The following DCN variants were observed in gnomAD, a reference collection of about 807,000 sequenced individuals.
DCN encodes decorin, also known as bone proteoglycan II.
A neutral mutation model predicts 36.5 loss-of-function variants in DCN; 17 were observed. The observed-to-expected ratio is 0.47, with a 90% CI of 0.32 to 0.70. The LOEUF (loss-of-function observed/expected upper bound fraction) is 0.70. Ranked by LOEUF, DCN falls within the 30% of genes least tolerant of loss-of-function variation. The pLI is 0.04. For missense variants in DCN, 389 were observed against 430.1 expected, an observed-to-expected ratio of 0.90 and a Z score of 0.84; for synonymous variants, 163 against 161.4, an observed-to-expected ratio of 1.01 and a Z score of -0.07.
chr12:91,154,010 C>A (rs3138303), intron 5 of DCN, among the ~76,000 whole-genome samples: 1,810 of 152,162 alleles, frequency 0.012, 12 homozygotes, highest in Non-Finnish European at 0.018. Context: ...TATTGTTCCA[C>A]TTAATAGCAA....
chr12:91,159,189 C>T (rs1196166302), intron 3 of DCN, among the ~76,000 whole-genome samples: 4 of 152,072 alleles, frequency 2.6e-5, no homozygotes, highest in Non-Finnish European at 5.9e-5. Context: ...ACATCCATCC[C>T]GCAGTCAGCT....
intron 2 of DCN, chr12:91,176,443 A>C (rs1883291366): frequency 6.6e-6 from 1 of 152,144 alleles, no homozygotes; most frequent in Non-Finnish European, 1.5e-5. Flanking sequence ...TATCAATGGC[A>C]ACAACAAAAC....
At chr12:91,153,525 T>C (rs560890266) in intron 5 of DCN, among the ~76,000 whole-genome samples, 1 of 152,176 alleles carries the variant, frequency 6.6e-6, no homozygotes, top group Admixed American at 6.5e-5. Flanking sequence ...AAAACTGACG[T>C]TGATAAAAGA....
At position 91,145,825 on chromosome 12, in the gene DCN, G is replaced by C; in HGVS notation, c.*233C>G. 1 of 538,650 alleles carries C rather than the reference G, an allele frequency of 1.9e-6. No homozygotes were observed. 33.4% of individuals were successfully genotyped at this position (538,650 alleles called of 1,614,324 possible). A position where few individuals can be genotyped will look rare whatever the true frequency, so the allele number is the denominator to read the frequency against. ...TAGTGAAATAAGAATATCTCTAGTA[G>C]CTCAGTTAACATCAACAGAAAGCTT... On this transcript the variant is annotated 3_prime_UTR_variant, in exon 8 of 8. Coordinates refer to ENST00000052754, the MANE Select transcript of DCN (RefSeq NM_001920.5).
chr12:91,168,911 G>A (rs1882754504), intron 2 of DCN, among the ~76,000 whole-genome samples: 1 of 152,126 alleles, frequency 6.6e-6, no homozygotes, highest in Non-Finnish European at 1.5e-5. Context: ...GACTACTCCA[G>A]CAGTAAGAGT....
At chr12:91,153,291 C>A in intron 5 of DCN, 102 bp from the exon 6 acceptor site, 2 of 752,880 alleles carry the variant, frequency 2.7e-6, no homozygotes, top group Non-Finnish European at 4.9e-6. Flanking sequence ...TTCTAAAAGA[C>A]ACACAGTTTC....
chr12:91,148,822 G>T (rs1327407277), intron 7 of DCN, among the ~76,000 whole-genome samples: 3 of 151,368 alleles, frequency 2.0e-5, no homozygotes, highest in African/African-American at 7.3e-5. Flanking sequence ...TTTTGTAAGG[G>T]CTGAAAAGCG....
chr12:91,177,877 G>A, intron 2 of DCN: 1 of 511,738 alleles, frequency 2.0e-6, no homozygotes. Context: ...TTTGATAACT[G>A]ATTATTTTAC....
At chr12:91,166,165 G>T (rs1023809069) in intron 2 of DCN, among the ~76,000 whole-genome samples, 1 of 152,162 alleles carries the variant, frequency 6.6e-6, no homozygotes, top group Admixed American at 6.5e-5. Context: ...GGGGTTGCAG[G>T]TGGAATCTTG....
intron 2 of DCN, chr12:91,177,383 A>G: frequency 1.8e-6 from 1 of 565,616 alleles, no homozygotes; most frequent in South Asian, 2.3e-5. Flanking sequence ...GACTTCTGAA[A>G]GAAGTGCCTG....
chr12:91,162,317 G>T (rs2121231873), intron 3 of DCN, among the ~76,000 whole-genome samples: 1 of 152,076 alleles, frequency 6.6e-6, no homozygotes, highest in Non-Finnish European at 1.5e-5. Context: ...AAAAAATCTG[G>T]TATATTTTCT....
chr12:91,156,436 G>A (rs1389481777), intron 5 of DCN, among the ~76,000 whole-genome samples: 1 of 152,112 alleles, frequency 6.6e-6, no homozygotes, highest in Non-Finnish European at 1.5e-5. Flanking sequence ...ACTCAATGAA[G>A]TGGATAGCAG....
chr12:91,170,381 A>G (rs1205800339), intron 2 of DCN, among the ~76,000 whole-genome samples: 1 of 152,180 alleles, frequency 6.6e-6, no homozygotes, highest in Non-Finnish European at 1.5e-5. Flanking sequence ...TGTCAAGCAC[A>G]AGGTGTTCAT....
At chr12:91,152,856 T>A (rs527451659) in intron 6 of DCN, among the ~76,000 whole-genome samples, 1 of 152,228 alleles carries the variant, frequency 6.6e-6, no homozygotes, top group Non-Finnish European at 1.5e-5. Flanking sequence ...AACTAATCTA[T>A]AAACAGTATA....
chr12:91,157,724 G>A (rs1010541406), intron 4 of DCN, among the ~76,000 whole-genome samples: 1 of 152,014 alleles, frequency 6.6e-6, no homozygotes, highest in Middle Eastern at 3.2e-3. Flanking sequence ...CGCCTCCCGG[G>A]TTCACGCCAT....
At position 91,178,440 on chromosome 12, in the gene DCN, G is replaced by C. The variant is rs1883430666; in HGVS notation, c.113C>G (p.Pro38Arg). 6.2e-7 allele frequency: 1 copy of C among 1,613,844 alleles called. No individual in the cohort carries two copies. ...GAAGTCGCGGTCATCAGGAACTTCT[G>C]GGCCTATCCCAGAAGCCTCATCTTC... ...MLEDEASGIG[P>R]EVPDDRDFEP... The change falls in exon 2 of 8, where the codon CCA (proline) becomes CGA (arginine). Residue 38 changes from proline (P) to arginine (R), a missense_variant. Pro to Arg is a moderately radical substitution (Grantham distance 103). Coordinates refer to ENST00000052754, the MANE Select transcript of DCN (RefSeq NM_001920.5).
chr12:91,177,714 A>C (rs963411548), intron 2 of DCN: 8 of 696,060 alleles, frequency 1.1e-5, no homozygotes, highest in Non-Finnish European at 2.1e-5. Context: ...ACCATACCTT[A>C]GTGATAAATA....
intron 2 of DCN, among the ~76,000 whole-genome samples, chr12:91,166,488 A>G (rs1029143431): frequency 2.0e-5 from 3 of 152,210 alleles, no homozygotes; most frequent in Admixed American, 6.5e-5. Flanking sequence ...CCCAGAAAAG[A>G]CAAACTTCTT....
In DCN at chr12:91,143,028, A is replaced by AT. The variant is rs1880801728; in HGVS notation, c.*3029dup. 1 of 152,160 alleles carries AT rather than the reference A, an allele frequency of 6.6e-6. No homozygotes were observed. Among genetic ancestry groups the AT allele is most frequent in the Non-Finnish European group, 1.5e-5 (1 of 68,024 alleles). 9.4% of individuals were successfully genotyped at this position (152,160 alleles called of 1,614,324 possible). On this transcript the variant is annotated 3_prime_UTR_variant, in exon 8 of 8. Coordinates refer to ENST00000052754, the MANE Select transcript of DCN (RefSeq NM_001920.5). ...CTAAATTAGGGTGAGCCTTAATCCA[A>AT]TATAACTCATGTTCATAGAAGAAGA...
Sources: allele counts gnomAD v4.1 joint callset (sites outside exome capture counted in the v4.1 genomes callset), GRCh38; gene constraint gnomAD v4.1.1; transcripts MANE v1.5; gene names NCBI Gene and HGNC (gene_info 2026-07-23, HGNC 2026-07-21).